Variants in DNAH10 observed in about 807,000 individuals in gnomAD.
DNAH10 encodes dynein axonemal heavy chain 10.
In DNAH10, 348 loss-of-function variants were observed where a neutral mutation model predicts 506.6. The ratio of observed to expected loss-of-function variants is 0.69; its 90% CI spans 0.63 to 0.75. DNAH10 has a LOEUF of 0.75. Ranked by LOEUF, DNAH10 falls within the 30% of genes least tolerant of loss-of-function variation. DNAH10 has a pLI of 0.00. For missense variants in DNAH10, 5,179 were observed against 5,787.1 expected, an observed-to-expected ratio of 0.89 and a Z score of 3.41; for synonymous variants, 2,059 against 2,198.6, an observed-to-expected ratio of 0.94 and a Z score of 1.78.
chr12:123,824,813 A>G (rs1959797014), intron 24 of DNAH10, among the ~76,000 whole-genome samples: 1 of 151,820 alleles, frequency 6.6e-6, no homozygotes, highest in African/African-American at 2.4e-5. Context: ...GACACCAGTC[A>G]CTGGATTTAG....
Position 123,857,225 on chromosome 12 carries a change from G to A in DNAH10, c.6608G>A (p.Gly2203Asp), listed in dbSNP as rs1163001392. ...GTAGAGCAGGTCCTGGAGGAGAACGGCTACGCGGTCCTACCCATCCAGGTA... is the reference window on the plus strand; with the variant it reads ...GTAGAGCAGGTCCTGGAGGAGAACGACTACGCGGTCCTACCCATCCAGGTA... ...DAVEQVLEEN[G>D]YAVLPIQVDK... The change falls in exon 37 of 79, where the codon GGC (glycine) becomes GAC (aspartate). Residue 2203 changes from glycine (G) to aspartate (D), a missense_variant. Physicochemically the swap from Gly to Asp is moderately conservative, Grantham distance 94. This residue lies in a region of DNAH10 where 4,844 missense variants were observed against 5,430.5 expected (regional missense o/e 0.89). Transcript: ENST00000673944. The A allele has an allele frequency of 6.3e-7, 1 of 1,581,666 alleles. No homozygotes were observed. The highest frequency in any genetic ancestry group is 8.6e-7 in the Non-Finnish European group (1 of 1,162,498).
rs543310664 is a variant in DNAH10, at chr12:123,877,846, C to T, written c.8310C>T (p.Tyr2770=). The T allele has an allele frequency of 1.1e-5, 17 of 1,614,012 alleles. No individual in the cohort carries two copies. The highest frequency in any genetic ancestry group is 1.3e-5 in the African/African-American group (1 of 75,034). Residue 2770 remains tyrosine (Y), a synonymous_variant, in exon 48 of 79, where the codon TAC becomes TAT. Transcript: ENST00000673944. ...CTCCCACTCCGTCAAAGTTCCATTA[C>T]ATCTTCAACCTTCGAGATCTCTCAC... ...DLPPTPSKFH[Y]IFNLRDLSRV...
intron 10 of DNAH10, among the ~76,000 whole-genome samples, chr12:123,789,271 T>A (rs1056527035): frequency 1.3e-5 from 2 of 151,808 alleles, no homozygotes; most frequent in Non-Finnish European, 2.9e-5. Flanking sequence ...ATATTTAACT[T>A]CTATGTGGAA....
chr12:123,781,113 A>G lies in DNAH10; in HGVS notation c.655A>G (p.Arg219Gly), dbSNP rs1430733291. Residue 219 changes from arginine to glycine, a missense_variant, in exon 6 of 79, where the codon AGG becomes GGG. Transcript: ENST00000673944. ...FLPALSFNQH[R>G]TSTTVGVTSG... is the part of the protein sequence containing the mutation. Reference sequence around the variant, plus strand: ...GCCAGCATTGTCCTTCAATCAGCACAGGACGAGTACAACCGTGGGAGTCAC... The same window carrying G: ...GCCAGCATTGTCCTTCAATCAGCACGGGACGAGTACAACCGTGGGAGTCAC... 1.2e-6 allele frequency: 2 copies of G among 1,613,592 alleles called. No individual in the cohort carries two copies. Among genetic ancestry groups the G allele is most frequent in the Non-Finnish European group, 1.7e-6 (2 of 1,179,862 alleles).
At chr12:123,855,643 A>AT (rs1951353464) in intron 36 of DNAH10, among the ~76,000 whole-genome samples, 1 of 150,532 alleles carries the variant, frequency 6.6e-6, no homozygotes, top group African/African-American at 2.4e-5. Flanking sequence ...CAAAAAAAAA[A>AT]AAAAAATAAT....
chr12:123,917,478 C>A lies in DNAH10; in HGVS notation c.11003-106C>A. On this transcript the variant is annotated intron_variant, in intron 63 of 78. Transcript: ENST00000673944. This position sits in a 1 kb window ranked among gnomAD's most constrained non-coding sequence, Gnocchi z 5.6. ...GGGCAGTGAATCCTCGTGCCTCTGG[C>A]CTGCTGGCTGAGACCCGCGCTAAGC... 8.5e-7 allele frequency: 1 copy of A among 1,180,690 alleles called. No homozygotes were observed. Among genetic ancestry groups the A allele is most frequent in the Non-Finnish European group, 1.2e-6 (1 of 841,346 alleles). 73.1% of individuals were successfully genotyped at this position (1,180,690 alleles called of 1,614,324 possible).
At chr12:123,816,982 T>A (rs1959164928) in intron 21 of DNAH10, among the ~76,000 whole-genome samples, 1 of 152,168 alleles carries the variant, frequency 6.6e-6, no homozygotes, top group South Asian at 2.1e-4. Context: ...AACTTTGGGT[T>A]TTTTTTATCC....
chr12:123,887,360 C>A (rs777869554), intron 52 of DNAH10, 47 bp downstream of exon 52: 1 of 1,573,760 alleles, frequency 6.4e-7, no homozygotes, highest in Admixed American at 1.8e-5. Context: ...CCGCTCAGCT[C>A]TTAAGGGAGT....
intron 43 of DNAH10, among the ~76,000 whole-genome samples, chr12:123,868,365 C>G (rs759551007): frequency 1.2e-4 from 19 of 152,202 alleles, no homozygotes; most frequent in Non-Finnish European, 2.2e-4. Context: ...CTTCTCTTGC[C>G]TCAGCTTAGG....
At chr12:123,816,089 T>C (rs944077007) in intron 21 of DNAH10, among the ~76,000 whole-genome samples, 4 of 152,148 alleles carry the variant, frequency 2.6e-5, no homozygotes, top group African/African-American at 9.7e-5. Context: ...AAAACACTTG[T>C]AATTTCCTGA....
intron 51 of DNAH10, among the ~76,000 whole-genome samples, chr12:123,886,601 G>A (rs1326291502): frequency 6.6e-6 from 1 of 152,108 alleles, no homozygotes; most frequent in Non-Finnish European, 1.5e-5. Flanking sequence ...GACAGTGTGA[G>A]TGAAGCGTGT....
chr12:123,850,779 C>T lies in DNAH10; in HGVS notation c.6103-109C>T. ...AAGAGACAAGTGGTGTTGTCAGCCT[C>T]ATACCATGAAAATGAATCGCCACGC... On this transcript the variant is annotated intron_variant, in intron 34 of 78. Coordinates refer to ENST00000673944, the MANE Select transcript of DNAH10 (RefSeq NM_001372106.1). The surrounding 1 kb of genome is among the most constrained non-coding windows in gnomAD (Gnocchi z 5.5). 2.6e-6 allele frequency: 3 copies of T among 1,134,284 alleles called. No individual in the cohort carries two copies. Among genetic ancestry groups the T allele is most frequent in the South Asian group, 3.1e-5 (2 of 64,174 alleles). 70.3% of individuals were successfully genotyped at this position (1,134,284 alleles called of 1,614,324 possible). A position where few individuals can be genotyped will look rare whatever the true frequency, so the allele number is the denominator to read the frequency against.
chr12:123,896,896 G>T (rs537896035), intron 54 of DNAH10, among the ~76,000 whole-genome samples: 1 of 152,114 alleles, frequency 6.6e-6, no homozygotes, highest in African/African-American at 2.4e-5. Context: ...AAATGTACAT[G>T]TGGCACTAAT....
intron 76 of DNAH10, 70 bp from the exon 77 acceptor site, chr12:123,933,261 C>T: frequency 9.1e-6 from 12 of 1,319,710 alleles, no homozygotes; most frequent in Non-Finnish European, 1.1e-5. Context: ...AACTAAACTT[C>T]CAGGCCAGCT....
At chr12:123,811,839 A>G (rs901982785) in intron 19 of DNAH10, among the ~76,000 whole-genome samples, 13 of 151,308 alleles carry the variant, frequency 8.6e-5, no homozygotes, top group Non-Finnish European at 1.6e-4. Flanking sequence ...GGGTTTCGCT[A>G]TTTTGGCCAG....
At chr12:123,783,733 A>G (rs1381525686) in intron 7 of DNAH10, among the ~76,000 whole-genome samples, 1 of 152,068 alleles carries the variant, frequency 6.6e-6, no homozygotes, top group Non-Finnish European at 1.5e-5. Flanking sequence ...TGTACACCTC[A>G]GTTGTCCGGA....
intron 56 of DNAH10, among the ~76,000 whole-genome samples, chr12:123,899,242 C>T (rs1003931517): frequency 2.6e-5 from 4 of 152,120 alleles, no homozygotes; most frequent in Admixed American, 6.5e-5. Flanking sequence ...TCTTCTTGGC[C>T]GAGCCTCTGT....
intron 38 of DNAH10, among the ~76,000 whole-genome samples, chr12:123,860,443 G>A (rs540287603): frequency 3.3e-5 from 5 of 152,294 alleles, no homozygotes; most frequent in East Asian, 1.9e-4. Context: ...TTACTGATTC[G>A]TTGGTTGTGA....
At chr12:123,813,047 T>G (rs2136356579) in intron 19 of DNAH10, 117 bp from the exon 20 acceptor site, 1 of 697,866 alleles carries the variant, frequency 1.4e-6, no homozygotes, top group East Asian at 2.7e-5. Flanking sequence ...AAATAATTTA[T>G]TAATAATAAA....
Sources: gnomAD v4.1 joint callset for allele counts (sites outside exome capture counted in the v4.1 genomes callset) on GRCh38, gnomAD v4.1.1 for gene constraint, gnomAD v4.1.1 regional missense constraint, Gnocchi (gnomAD v3.1) non-coding constraint, MANE v1.5 for transcripts, NCBI Gene and HGNC (gene_info 2026-07-23, HGNC 2026-07-21) for gene names.